Variants in FBLN5 observed in about 807,000 individuals in gnomAD.
The protein encoded by FBLN5 is fibulin 5, also known as fibulin-5.
In FBLN5, 24 loss-of-function variants were observed where a neutral mutation model predicts 61.6. The observed-to-expected ratio is 0.39, with a 90% confidence interval of 0.28 to 0.55. The LOEUF (loss-of-function observed/expected upper bound fraction) is 0.55, where lower values mean the gene tolerates loss of function less well. Among genes scored for constraint, FBLN5 ranks in the 20% least tolerant of loss-of-function variants. The pLI is 0.65. For missense variants in FBLN5, 470 were observed against 594.1 expected (o/e 0.79, Z 2.17); for synonymous variants, 213 against 219.8 (o/e 0.97, Z 0.27).
intron 4 of FBLN5, among the ~76,000 whole-genome samples, chr14:91,906,244 C>T (rs2254085): frequency 0.71 from 108,357 of 152,132 alleles, 40,178 homozygotes; most frequent in Admixed American, 0.83. Flanking sequence ...CCTCTCCCCA[C>T]GCTTCTACCC....
intron 4 of FBLN5, among the ~76,000 whole-genome samples, chr14:91,919,922 G>A (rs55878726): frequency 0.05 from 7,541 of 152,258 alleles, 274 homozygotes; most frequent in Non-Finnish European, 0.076. Flanking sequence ...TACATTGTGT[G>A]GGCTTTCCCC....
intron 1 of FBLN5, among the ~76,000 whole-genome samples, chr14:91,945,655 G>A (rs2056171962): frequency 6.6e-6 from 1 of 152,186 alleles, no homozygotes; most frequent in Admixed American, 6.5e-5. Flanking sequence ...AGGACCTGGA[G>A]TTAAGCTGAC....
At chr14:91,895,536 C>G (rs960577452) in intron 4 of FBLN5, among the ~76,000 whole-genome samples, 3 of 152,008 alleles carry the variant, frequency 2.0e-5, no homozygotes, top group Admixed American at 6.6e-5. Flanking sequence ...TGGTGGCTCA[C>G]GCCTGTAATC....
At chr14:91,942,717 A>G (rs903505985) in intron 2 of FBLN5, among the ~76,000 whole-genome samples, 190 bp downstream of exon 2, 1 of 152,112 alleles carries the variant, frequency 6.6e-6, no homozygotes, top group Non-Finnish European at 1.5e-5. Context: ...CTTACAAGTC[A>G]TGTCACCTGG....
chr14:91,877,928 C>T (rs1376354005), intron 9 of FBLN5: 1 of 601,342 alleles, frequency 1.7e-6, no homozygotes, highest in Non-Finnish European at 3.1e-6. Flanking sequence ...GAATACAAAC[C>T]TTAGATCTCT....
At chr14:91,875,532 C>T (rs1889124994) in intron 10 of FBLN5, among the ~76,000 whole-genome samples, 1 of 152,198 alleles carries the variant, frequency 6.6e-6, no homozygotes. Flanking sequence ...TCAGGCAAAT[C>T]TCCAAAAGAC....
chr14:91,896,898 G>A (rs751409606), intron 4 of FBLN5, among the ~76,000 whole-genome samples: 6 of 152,214 alleles, frequency 3.9e-5, no homozygotes, highest in Non-Finnish European at 8.8e-5. Flanking sequence ...AAAAGTGCAA[G>A]CTCCTTGAGG....
chr14:91,908,841 G>A (rs1013936881), intron 4 of FBLN5, among the ~76,000 whole-genome samples: 1 of 152,108 alleles, frequency 6.6e-6, no homozygotes, highest in Non-Finnish European at 1.5e-5. Flanking sequence ...TGTCTTTGGA[G>A]GCTTGTTCTA....
intron 6 of FBLN5, among the ~76,000 whole-genome samples, chr14:91,888,773 C>G (rs2430353): frequency 1.3e-5 from 2 of 151,972 alleles, no homozygotes; most frequent in Non-Finnish European, 2.9e-5. Flanking sequence ...TCCACAAAAA[C>G]CAAGATTCAT....
chr14:91,881,525 T>C (rs1889469267), intron 8 of FBLN5, 107 bp from the exon 9 acceptor site: 2 of 1,252,712 alleles, frequency 1.6e-6, no homozygotes, highest in African/African-American at 2.9e-5. Context: ...CTATCCAATA[T>C]GGCAGCAACA....
chr14:91,908,523 T>TTTC (rs1311763101), intron 4 of FBLN5, among the ~76,000 whole-genome samples: 1 of 152,210 alleles, frequency 6.6e-6, no homozygotes, highest in African/African-American at 2.4e-5. Flanking sequence ...AGCCCAGTCT[T>TTTC]TTCTTGACCC....
intron 6 of FBLN5, among the ~76,000 whole-genome samples, chr14:91,890,639 A>G (rs1478138158): frequency 6.6e-6 from 1 of 152,232 alleles, no homozygotes; most frequent in Non-Finnish European, 1.5e-5. Context: ...GAAAACCACA[A>G]AATGCCTTTG....
At chr14:91,926,886 G>T (rs1286794973) in intron 4 of FBLN5, among the ~76,000 whole-genome samples, 1 of 152,142 alleles carries the variant, frequency 6.6e-6, no homozygotes, top group African/African-American at 2.4e-5. Context: ...AACATTCCCG[G>T]AAGATAAGCA....
At chr14:91,883,118 A>G (rs757678094) in intron 7 of FBLN5, 42 bp from the exon 8 acceptor site, 1 of 1,610,286 alleles carries the variant, frequency 6.2e-7, no homozygotes, top group Non-Finnish European at 8.5e-7. Context: ...ATCCCAGTCT[A>G]CATGGGGATG....
rs1888834315 is a variant in FBLN5 at position 91,869,812 on chromosome 14, C to G, written c.*412G>C. 3.9e-6 allele frequency: 1 copy of G among 259,340 alleles called. No homozygotes were observed. The highest frequency in any genetic ancestry group is 4.7e-5 in the South Asian group (1 of 21,128). The allele number at this position is 259,340 out of a possible 1,614,324, so 16.1% of individuals were successfully genotyped here. On this transcript the variant is annotated 3_prime_UTR_variant, in exon 11 of 11. Coordinates refer to ENST00000342058, the MANE Select transcript of FBLN5 (RefSeq NM_006329.4). ...CAGGGTTCCCCGCCAGCTCCCGGGTCTTTGCAAAGCAGTAACACAGTGAGA... is the reference window on the plus strand; with the variant it reads ...CAGGGTTCCCCGCCAGCTCCCGGGTGTTTGCAAAGCAGTAACACAGTGAGA...
At chr14:91,904,548 C>T (rs1890595538) in intron 4 of FBLN5, among the ~76,000 whole-genome samples, 1 of 152,244 alleles carries the variant, frequency 6.6e-6, no homozygotes, top group Non-Finnish European at 1.5e-5. Flanking sequence ...GACAAGAACG[C>T]TATAGACTAT....
At chr14:91,879,071 T>C (rs1889300977) in intron 9 of FBLN5, among the ~76,000 whole-genome samples, 2 of 152,230 alleles carry the variant, frequency 1.3e-5, no homozygotes, top group Non-Finnish European at 1.5e-5. Context: ...CAGAGCAAGT[T>C]TCATTTTTTT....
chr14:91,895,184 G>A, intron 4 of FBLN5, 112 bp from the exon 5 acceptor site: 2 of 1,317,652 alleles, frequency 1.5e-6, no homozygotes, highest in South Asian at 2.4e-5. Flanking sequence ...AAGGTCACTA[G>A]GTTACACCCA....
chr14:91,908,907 T>C, intron 4 of FBLN5, among the ~76,000 whole-genome samples: 1 of 150,424 alleles, frequency 6.6e-6, no homozygotes, highest in African/African-American at 2.4e-5. Flanking sequence ...AATCAGTACT[T>C]TTTTTTTTAA....
Sources: allele counts gnomAD v4.1 joint callset (sites outside exome capture counted in the v4.1 genomes callset), GRCh38; gene constraint gnomAD v4.1.1; transcripts MANE v1.5; gene names NCBI Gene and HGNC (gene_info 2026-07-23, HGNC 2026-07-21).